Variants in PCDHA5 observed in about 807,000 individuals in gnomAD.
PCDHA5 encodes the protein protocadherin alpha 5.
Under a neutral mutation model 61.6 loss-of-function variants are expected in PCDHA5, and 43 were observed. The ratio of observed to expected loss-of-function variants is 0.70; its 90% CI spans 0.55 to 0.90. The LOEUF (loss-of-function observed/expected upper bound fraction) is 0.90. Among genes scored for constraint, PCDHA5 ranks in the 40% least tolerant of loss-of-function variants. PCDHA5 has a pLI of 0.00. For missense variants in PCDHA5, 1,298 were observed against 1,222.7 expected, an observed-to-expected ratio of 1.06 and a Z score of -0.92; for synonymous variants, 627 against 543.9, an observed-to-expected ratio of 1.15 and a Z score of -2.13.
At chr5:140,972,480 C>A (rs558245112) in intron 1 of PCDHA5, among the ~76,000 whole-genome samples, 2 of 151,890 alleles carry the variant, frequency 1.3e-5, no homozygotes, top group East Asian at 3.9e-4. Context: ...AGCATTTAAC[C>A]CCAGACTCTA....
chr5:140,956,540 G>C (rs1356910892), intron 1 of PCDHA5, among the ~76,000 whole-genome samples: 1 of 152,186 alleles, frequency 6.6e-6, no homozygotes, highest in Non-Finnish European at 1.5e-5. Context: ...TGTGCTGCTG[G>C]ATTTGGTTTG....
At chr5:140,841,286 A>G in intron 1 of PCDHA5, 2 of 1,545,812 alleles carry the variant, frequency 1.3e-6, no homozygotes, top group Non-Finnish European at 1.7e-6. Context: ...TCTTTATATT[A>G]AGATAATATT....
intron 1 of PCDHA5, chr5:140,866,423 G>A (rs2049350651): frequency 6.6e-6 from 1 of 151,088 alleles, no homozygotes; most frequent in South Asian, 2.1e-4. Flanking sequence ...ATGTGTGTAG[G>A]TCTTTCAGTC....
intron 1 of PCDHA5, among the ~76,000 whole-genome samples, chr5:140,894,352 G>A (rs2064438357): frequency 6.6e-6 from 1 of 151,796 alleles, no homozygotes; most frequent in Admixed American, 6.6e-5. Context: ...TATTACTTCA[G>A]ATTTCTTCTT....
At chr5:140,964,792 C>T (rs183206526) in intron 1 of PCDHA5, among the ~76,000 whole-genome samples, 5 of 151,738 alleles carry the variant, frequency 3.3e-5, no homozygotes, top group African/African-American at 7.3e-5. Context: ...AAGCCAGAGA[C>T]CCAAGAAAGG....
chr5:140,856,340 A>G (rs1554148561), intron 1 of PCDHA5: 1 of 1,598,438 alleles, frequency 6.3e-7, no homozygotes, highest in Non-Finnish European at 8.6e-7. Flanking sequence ...GTGCGGGCGG[A>G]GCGTGGAGTG....
At chr5:140,850,644 C>T in intron 1 of PCDHA5, 1 of 1,598,664 alleles carries the variant, frequency 6.3e-7, no homozygotes, top group Non-Finnish European at 8.6e-7. Flanking sequence ...CACGCTGCTG[C>T]TGTACACTGT....
At chr5:140,926,117 A>G (rs2082917656) in intron 1 of PCDHA5, among the ~76,000 whole-genome samples, 1 of 152,190 alleles carries the variant, frequency 6.6e-6, no homozygotes, top group Admixed American at 6.5e-5. Flanking sequence ...GGTGCAGGAC[A>G]GACTTCAACC....
chr5:140,875,506 C>A, intron 1 of PCDHA5: 1 of 1,613,618 alleles, frequency 6.2e-7, no homozygotes, highest in Non-Finnish European at 8.5e-7. Flanking sequence ...CCCGGGATCC[C>A]AGCGTCTGCT....
At chr5:140,972,783 C>T (rs1437997582) in intron 1 of PCDHA5, among the ~76,000 whole-genome samples, 2 of 151,768 alleles carry the variant, frequency 1.3e-5, no homozygotes, top group African/African-American at 4.8e-5. Context: ...TCTGCCTCAG[C>T]CTCCTGAGTA....
chr5:140,983,801 T>G (rs1386165689), intron 3 of PCDHA5, among the ~76,000 whole-genome samples: 1 of 152,214 alleles, frequency 6.6e-6, no homozygotes, highest in Non-Finnish European at 1.5e-5. Context: ...AATGTGTGTG[T>G]AAAAGGTTTT....
intron 1 of PCDHA5, chr5:140,927,472 G>A (rs201932518): frequency 1.6e-4 from 264 of 1,614,094 alleles, no homozygotes; most frequent in Non-Finnish European, 2.0e-4. Context: ...ACTGGATCGC[G>A]AACAGCGCGC....
chr5:140,843,922 A>C, intron 1 of PCDHA5: 1 of 591,956 alleles, frequency 1.7e-6, no homozygotes, highest in Non-Finnish European at 2.9e-6. Flanking sequence ...CTATCTTGAA[A>C]CTCAAGTTAT....
intron 1 of PCDHA5, among the ~76,000 whole-genome samples, chr5:140,897,779 G>T (rs1157810079): frequency 6.6e-6 from 1 of 152,138 alleles, no homozygotes; most frequent in Non-Finnish European, 1.5e-5. Flanking sequence ...CTTCCACAAT[G>T]GTTGAACTAG....
chr5:140,836,708 C>T (rs1774690824), intron 1 of PCDHA5: 1 of 1,613,072 alleles, frequency 6.2e-7, no homozygotes, highest in Non-Finnish European at 8.5e-7. Flanking sequence ...TCAGTCCCAG[C>T]CTTCCTCAGG....
intron 1 of PCDHA5, among the ~76,000 whole-genome samples, chr5:140,910,717 T>C (rs1349205242): frequency 1.3e-5 from 2 of 152,142 alleles, no homozygotes; most frequent in African/African-American, 4.8e-5. Flanking sequence ...CATCTTTTAA[T>C]CCATATTTCA....
intron 1 of PCDHA5, chr5:140,967,271 A>T (rs1007708043): frequency 6.2e-7 from 1 of 1,613,338 alleles, no homozygotes; most frequent in African/African-American, 1.3e-5. Context: ...GCGCTTTCAC[A>T]TAGAGAGTGC....
rs782636217 is a variant in PCDHA5 at position 140,928,409 on chromosome 5, C to T, written c.2353-50540C>T. The T allele has an allele frequency of 1.9e-6, 3 of 1,614,030 alleles. No individual in the cohort carries two copies. The Admixed American group carries it at 5.0e-5, about 27-fold the overall frequency. On this transcript the variant is annotated intron_variant, in intron 1 of 3. Coordinates refer to ENST00000529859, the MANE Select transcript of PCDHA5 (RefSeq NM_018908.3). ...CTGGCAGTGGAATCATCCAGTGGGG[C>T]CATCACTGCCAAAACTTCCTTTGAC...
rs868938085 is a variant in PCDHA5, at chr5:140,882,236, T to C, written c.2352+58109T>C. On this transcript the variant is annotated intron_variant, in intron 1 of 3. Coordinates refer to ENST00000529859, the MANE Select transcript of PCDHA5 (RefSeq NM_018908.3). ...AGTTTGAGGTAAGGCGTTGTATATA[T>C]TGCAGATAGCTCTGAGGTTTTTGGA... 7.6e-6 allele frequency: 12 copies of C among 1,581,516 alleles called. 1 individual carries two copies. The Middle Eastern group carries it at 1.0e-3, about 134-fold the overall frequency.
Sources: allele counts gnomAD v4.1 joint callset (sites outside exome capture counted in the v4.1 genomes callset), GRCh38; gene constraint gnomAD v4.1.1; transcripts MANE v1.5; gene names NCBI Gene and HGNC (gene_info 2026-07-23, HGNC 2026-07-21).